The following TSC22D1 variants were observed in gnomAD, a reference collection of about 807,000 sequenced individuals.
TSC22D1 encodes TSC22 domain family member 1, also known as TSC22 domain family protein 1.
In TSC22D1, 9 loss-of-function variants were observed where a neutral mutation model predicts 74.2. The observed-to-expected ratio is 0.12, with a 90% CI of 0.07 to 0.21. TSC22D1 has a LOEUF of 0.21. TSC22D1 is among the 10% of genes least tolerant of loss of function. TSC22D1 has a pLI of 1.00. For missense variants in TSC22D1, 1,427 were observed against 1,304.7 expected (o/e 1.09, Z -1.44); for synonymous variants, 586 against 492.5 (o/e 1.19, Z -2.51).
chr13:44,490,451 T>C (rs1878646634), intron 1 of TSC22D1, among the ~76,000 whole-genome samples: 1 of 151,894 alleles, frequency 6.6e-6, no homozygotes, highest in South Asian at 2.1e-4. Flanking sequence ...TTCCTCTCTG[T>C]ATGCTATATT....
intron 2 of TSC22D1, 122 bp from the exon 3 acceptor site, chr13:44,435,005 G>C: frequency 2.4e-6 from 2 of 825,336 alleles, no homozygotes; most frequent in Non-Finnish European, 3.9e-6. Flanking sequence ...TTTAAAGTTG[G>C]TTCAATGACA....
intron 1 of TSC22D1, chr13:44,452,546 G>T (rs1278550101): frequency 6.6e-6 from 1 of 152,282 alleles, no homozygotes; most frequent in Non-Finnish European, 1.5e-5. Context: ...CTGTCCTCAT[G>T]GCCTGGCTGG....
In TSC22D1 at chr13:44,573,355, C is replaced by T; in HGVS notation, c.2720G>A (p.Gly907Glu). ...ACGCCTGGCATCTTCAATTTGGCTT[C>T]CAATTGCCTGAGCTAATGATTGTGC... ...FSAQSLAQAI[G>E]SQIEDARRAA... Residue 907 changes from glycine (G) to glutamate (E), a missense_variant, in exon 1 of 3, where the codon GGA (glycine) becomes GAA (glutamate). Transcript: ENST00000458659. The T allele has an allele frequency of 3.7e-6, 6 of 1,614,226 alleles. No homozygotes were observed. The highest frequency in any genetic ancestry group is 4.2e-6 in the Non-Finnish European group (5 of 1,180,048).
At chr13:44,569,589 C>T (rs1883614069) in intron 1 of TSC22D1, among the ~76,000 whole-genome samples, 1 of 152,098 alleles carries the variant, frequency 6.6e-6, no homozygotes, top group Non-Finnish European at 1.5e-5. Context: ...GAGAAGCAGG[C>T]AAAATGAGTA....
At chr13:44,469,859 T>A in intron 1 of TSC22D1, among the ~76,000 whole-genome samples, 1 of 152,130 alleles carries the variant, frequency 6.6e-6, no homozygotes. Flanking sequence ...TAATATCCAT[T>A]TCAGGTGGAG....
chr13:44,498,350 G>C (rs1170968826), intron 1 of TSC22D1, among the ~76,000 whole-genome samples: 1 of 151,944 alleles, frequency 6.6e-6, no homozygotes, highest in Non-Finnish European at 1.5e-5. Context: ...CAAAAACCAT[G>C]CTGTTTAATT....
At chr13:44,440,692 G>A (rs2138867758) in intron 1 of TSC22D1, among the ~76,000 whole-genome samples, 1 of 151,828 alleles carries the variant, frequency 6.6e-6, no homozygotes, top group East Asian at 1.9e-4. Context: ...AGAACAGAAG[G>A]AAGAGAATTA....
intron 1 of TSC22D1, among the ~76,000 whole-genome samples, chr13:44,529,576 TGGGAA>T (rs1274093591): frequency 1.3e-5 from 2 of 152,048 alleles, no homozygotes; most frequent in Non-Finnish European, 2.9e-5. Flanking sequence ...AACATTATAC[TGGGAA>T]GTCCTAGCTA....
chr13:44,505,546 C>T (rs1595123641), intron 1 of TSC22D1, among the ~76,000 whole-genome samples: 3 of 151,944 alleles, frequency 2.0e-5, no homozygotes, highest in Admixed American at 6.6e-5. Context: ...AATGAGACTC[C>T]GTCTCAAAAA....
intron 1 of TSC22D1, among the ~76,000 whole-genome samples, chr13:44,482,293 G>A (rs542298120): frequency 4.5e-4 from 69 of 152,238 alleles, no homozygotes; most frequent in African/African-American, 1.5e-3. Flanking sequence ...CAGGCACTTC[G>A]GGAGGCTGAG....
intron 1 of TSC22D1, among the ~76,000 whole-genome samples, chr13:44,556,909 C>T (rs1460893757): frequency 2.6e-5 from 4 of 151,830 alleles, no homozygotes; most frequent in African/African-American, 4.8e-5. Context: ...TTTGGGAGGC[C>T]GAGGCGGGCG....
chr13:44,524,120 A>AT (rs1407246650), intron 1 of TSC22D1, among the ~76,000 whole-genome samples: 1 of 152,198 alleles, frequency 6.6e-6, no homozygotes, highest in Admixed American at 6.5e-5. Flanking sequence ...ATCAAATTAA[A>AT]TAACTGTAAT....
intron 1 of TSC22D1, among the ~76,000 whole-genome samples, chr13:44,448,876 C>T (rs770475944): frequency 7.2e-6 from 1 of 138,516 alleles, no homozygotes; most frequent in Admixed American, 7.6e-5. Flanking sequence ...GAAGTGCACA[C>T]CAGAAATTCT....
chr13:44,508,998 C>CA (rs994732103), intron 1 of TSC22D1, among the ~76,000 whole-genome samples: 5 of 152,182 alleles, frequency 3.3e-5, no homozygotes, highest in African/African-American at 1.2e-4. Flanking sequence ...CTTGACAGGA[C>CA]AAAATAACAA....
rs761948223 is a variant in TSC22D1 at position 44,573,615 on chromosome 13, T to C, written c.2460A>G (p.Ala820=). The change falls in exon 1 of 3, where the codon GCA becomes GCG. Residue 820 remains alanine (A), a synonymous_variant. Coordinates refer to ENST00000458659, the MANE Select transcript of TSC22D1 (RefSeq NM_183422.4). The part of the protein sequence containing the change: ...AQGIVSQQLP[A]VSSLPSASSI... Reference sequence around the variant, plus strand: ...TACTAGCAGAGGGCAAAGAACTAACTGCAGGCAACTGCTGTGAAACAATTC... The same window carrying C: ...TACTAGCAGAGGGCAAAGAACTAACCGCAGGCAACTGCTGTGAAACAATTC... 11 of 1,614,138 alleles carry C rather than the reference T, an allele frequency of 6.8e-6. No individual in the cohort carries two copies. Among genetic ancestry groups the C allele is most frequent in the South Asian group, 2.2e-5 (2 of 91,094 alleles).
intron 1 of TSC22D1, among the ~76,000 whole-genome samples, chr13:44,517,843 ATATATATATATATATTTTTTTTTT>A (rs2138030204): frequency 4.5e-5 from 1 of 22,318 alleles, no homozygotes; most frequent in East Asian, 6.1e-4. Context: ...ATATATATAT[ATATATATATATATATTTTTTTTTT>A]TTTTTTTTTT....
chr13:44,532,574 C>T (rs548782523), intron 1 of TSC22D1, among the ~76,000 whole-genome samples: 2 of 152,226 alleles, frequency 1.3e-5, no homozygotes, highest in East Asian at 3.9e-4. Flanking sequence ...CCCAGGTCCT[C>T]GCCATTCTCC....
At chr13:44,540,318 T>C (rs112129948) in intron 1 of TSC22D1, among the ~76,000 whole-genome samples, 17 of 152,258 alleles carry the variant, frequency 1.1e-4, no homozygotes, top group African/African-American at 3.8e-4. Context: ...GAAAAGAAGA[T>C]GGACTGAAAA....
chr13:44,567,317 A>T (rs74068242), intron 1 of TSC22D1, among the ~76,000 whole-genome samples: 11 of 152,342 alleles, frequency 7.2e-5, no homozygotes, highest in African/African-American at 2.6e-4. Flanking sequence ...CAAACACCAC[A>T]GCCAGGTTAC....
Sources: allele counts gnomAD v4.1 joint callset (sites outside exome capture counted in the v4.1 genomes callset), GRCh38; gene constraint gnomAD v4.1.1; transcripts MANE v1.5; gene names NCBI Gene and HGNC (gene_info 2026-07-23, HGNC 2026-07-21).